Variants in MID1 observed in about 807,000 individuals in gnomAD.
The protein encoded by MID1 is E3 ubiquitin-protein ligase Midline-1.
A neutral mutation model predicts 40.4 loss-of-function variants in MID1; 7 were observed. The ratio of observed to expected loss-of-function variants is 0.17; its 90% CI spans 0.10 to 0.33. The LOEUF (loss-of-function observed/expected upper bound fraction) is 0.33, where lower values mean the gene tolerates loss of function less well. Ranked by LOEUF, MID1 falls within the 10% of genes least tolerant of loss-of-function variation. MID1 has a pLI of 1.00. For missense variants in MID1, 367 were observed against 558.5 expected (o/e 0.66, Z 3.46); for synonymous variants, 229 against 221.2 (o/e 1.04, Z -0.31).
At chrX:10,741,241 T>C (rs1384723921) in intron 1 of MID1, among the ~76,000 whole-genome samples, 2 of 111,460 alleles carry the variant, frequency 1.8e-5, no homozygotes, top group Non-Finnish European at 3.8e-5. Flanking sequence ...AGAGAAAAGA[T>C]AGACTTTGGA....
intron 1 of MID1, among the ~76,000 whole-genome samples, chrX:10,685,088 A>C (rs1982487271): frequency 8.9e-6 from 1 of 112,423 alleles, no homozygotes; most frequent in Admixed American, 9.5e-5. Context: ...TATTATATAC[A>C]TATGCCACAA....
chrX:10,558,413 G>A (rs939209330), intron 2 of MID1, among the ~76,000 whole-genome samples: 4 of 112,422 alleles, frequency 3.6e-5, no homozygotes, highest in African/African-American at 1.3e-4. Flanking sequence ...TTCCTCCTCC[G>A]AATCCCAAAA....
rs756733964 is a variant in MID1 at position 10,581,608 on chromosome X, T to C, written c.-56-14005A>G. 3.6e-5 allele frequency among the ~76,000 whole-genome samples: 4 copies of C among 112,233 alleles called. No individual in the cohort carries two copies. The South Asian group carries it at 1.5e-3, about 42-fold the overall frequency. ...CCCACTCTTCTTTGAATAAATTCATTATCTGTGTTTTTTACTGGAAACCTC... is the reference window on the plus strand; with the variant it reads ...CCCACTCTTCTTTGAATAAATTCATCATCTGTGTTTTTTACTGGAAACCTC... On this transcript the variant is annotated intron_variant, in intron 1 of 9. Coordinates refer to ENST00000317552, the MANE Select transcript of MID1 (RefSeq NM_000381.4).
chrX:10,754,297 G>A (rs774898119), intron 1 of MID1, among the ~76,000 whole-genome samples: 2 of 105,977 alleles, frequency 1.9e-5, no homozygotes, highest in Admixed American at 1.9e-4. Flanking sequence ...ATAGACAAGA[G>A]AGTTTTTTTT....
At chrX:10,466,343 C>T (rs1929384650) in intron 7 of MID1, among the ~76,000 whole-genome samples, 1 of 111,970 alleles carries the variant, frequency 8.9e-6, no homozygotes, top group South Asian at 3.7e-4. Flanking sequence ...TAATTATATT[C>T]CCCCCTTTTT....
At chrX:10,709,417 T>C (rs1445175703) in intron 1 of MID1, among the ~76,000 whole-genome samples, 2 of 112,457 alleles carry the variant, frequency 1.8e-5, no homozygotes, top group African/African-American at 6.5e-5. Context: ...GTTGTTATTA[T>C]AGAGTTCCGG....
intron 2 of MID1, among the ~76,000 whole-genome samples, chrX:10,534,786 G>T (rs947432589): frequency 3.9e-4 from 44 of 111,963 alleles, no homozygotes; most frequent in African/African-American, 1.4e-3. Flanking sequence ...ATCCAAAGTG[G>T]GTACGATCTG....
chrX:10,777,484 ACCACACCAGGCCTTTTTTTCTT>A (rs2043812343), intron 1 of MID1, among the ~76,000 whole-genome samples: 2 of 109,385 alleles, frequency 1.8e-5, no homozygotes, highest in South Asian at 7.7e-4. Context: ...GGCTTGAGCC[ACCACACCAGGCCTTTTTTTCTT>A]TATATTCTTA....
At chrX:10,674,942 C>T (rs962067068) in intron 1 of MID1, among the ~76,000 whole-genome samples, 37 of 112,367 alleles carry the variant, frequency 3.3e-4, no homozygotes, top group African/African-American at 1.2e-3. Flanking sequence ...TTCAGGTTTT[C>T]ATATCAATGT....
chrX:10,802,123 A>C (rs2044012182), intron 1 of MID1, among the ~76,000 whole-genome samples: 1 of 111,675 alleles, frequency 9.0e-6, no homozygotes, highest in Non-Finnish European at 1.9e-5. Flanking sequence ...TGGAGGTGAC[A>C]GTGAGCCGAG....
At chrX:10,453,959 C>T (rs1174563940) in intron 9 of MID1, among the ~76,000 whole-genome samples, 1 of 112,111 alleles carries the variant, frequency 8.9e-6, no homozygotes, top group Non-Finnish European at 1.9e-5. Context: ...AATGCTTAGA[C>T]CAGTGCCTGG....
intron 1 of MID1, among the ~76,000 whole-genome samples, chrX:10,693,193 CTTTTTTT>C (rs758493757): frequency 1.1e-5 from 1 of 93,344 alleles, no homozygotes; most frequent in Non-Finnish European, 2.1e-5. Context: ...GGTGTTTTAA[CTTTTTTT>C]TTTTTTTTTT....
intron 5 of MID1, among the ~76,000 whole-genome samples, chrX:10,478,507 C>G (rs1194298075): frequency 8.9e-6 from 1 of 111,962 alleles, no homozygotes; most frequent in Non-Finnish European, 1.9e-5. Context: ...TCAGGCAGCT[C>G]GCAATGTGCT....
intron 1 of MID1, among the ~76,000 whole-genome samples, chrX:10,632,578 G>A (rs1936064038): frequency 9.0e-6 from 1 of 110,754 alleles, no homozygotes; most frequent in Admixed American, 9.5e-5. Context: ...CCCCTAGAGG[G>A]CTTGTTAAAA....
chrX:10,626,918 A>G (rs1936001654), intron 1 of MID1, among the ~76,000 whole-genome samples: 1 of 111,623 alleles, frequency 9.0e-6, no homozygotes, highest in Non-Finnish European at 1.9e-5. Context: ...AATGTTAAGA[A>G]TAATATCCAA....
intron 1 of MID1, among the ~76,000 whole-genome samples, chrX:10,569,972 C>T (rs1160946624): frequency 8.9e-6 from 1 of 111,859 alleles, no homozygotes; most frequent in Non-Finnish European, 1.9e-5. Context: ...TTCACTCCTG[C>T]CCTTCCCCCT....
At chrX:10,654,210 T>A (rs1004713102) in intron 1 of MID1, among the ~76,000 whole-genome samples, 1 of 111,913 alleles carries the variant, frequency 8.9e-6, no homozygotes, top group Non-Finnish European at 1.9e-5. Context: ...TTGGTCTTAT[T>A]CTATAAGTTT....
intron 2 of MID1, among the ~76,000 whole-genome samples, chrX:10,558,065 TAAAA>T (rs368289385): frequency 1.1e-5 from 1 of 89,793 alleles, no homozygotes; most frequent in Admixed American, 1.2e-4. Context: ...CTCTCTCTCT[TAAAA>T]AAAAAAAAAA....
chrX:10,831,743 C>G (rs906776117), intron 1 of MID1, among the ~76,000 whole-genome samples: 2 of 111,807 alleles, frequency 1.8e-5, no homozygotes, highest in Non-Finnish European at 3.8e-5. Flanking sequence ...AAGGATAATT[C>G]TAAACATGAG....
Sources: gnomAD v4.1 joint callset for allele counts (sites outside exome capture counted in the v4.1 genomes callset) on GRCh38, gnomAD v4.1.1 for gene constraint, MANE v1.5 for transcripts, NCBI Gene and HGNC (gene_info 2026-07-23, HGNC 2026-07-21) for gene names.